Variants in PTPRD observed in about 807,000 individuals in gnomAD.
PTPRD encodes the protein receptor-type tyrosine-protein phosphatase delta.
A neutral mutation model predicts 214.5 loss-of-function variants in PTPRD; 34 were observed. The ratio of observed to expected loss-of-function variants is 0.16; its 90% CI spans 0.12 to 0.21. PTPRD has a LOEUF of 0.21. Ranked by LOEUF, PTPRD falls within the 10% of genes least tolerant of loss-of-function variation. The probability of loss-of-function intolerance (pLI) is 1.00; values close to 1 mark genes in which losing one functional copy is unlikely to be tolerated. For missense variants in PTPRD, 2,545 were observed against 2,398.7 expected, an observed-to-expected ratio of 1.06 and a Z score of -1.27; for synonymous variants, 1,128 against 845.7, an observed-to-expected ratio of 1.33 and a Z score of -5.79.
chr9:9,271,905 G>T (rs944404067), intron 9 of PTPRD, among the ~76,000 whole-genome samples: 1 of 151,202 alleles, frequency 6.6e-6, no homozygotes, highest in Admixed American at 6.6e-5. Context: ...GTTCCTTAAA[G>T]GTTTCTGCAT....
chr9:9,621,005 C>G (rs981790462), intron 7 of PTPRD, among the ~76,000 whole-genome samples: 3 of 152,132 alleles, frequency 2.0e-5, no homozygotes, highest in African/African-American at 7.2e-5. Context: ...TGATGTAAGA[C>G]CCAATTCCCC....
chr9:10,178,441 A>T (rs1428835544), intron 3 of PTPRD, among the ~76,000 whole-genome samples: 1 of 151,984 alleles, frequency 6.6e-6, no homozygotes, highest in African/African-American at 2.4e-5. Context: ...AGAGGAGCCA[A>T]ATTAGAGGAG....
At chr9:8,439,162 A>G (rs1334926596) in intron 34 of PTPRD, among the ~76,000 whole-genome samples, 1 of 152,202 alleles carries the variant, frequency 6.6e-6, no homozygotes, top group Non-Finnish European at 1.5e-5. Flanking sequence ...AGGGAGGAGA[A>G]TCTGTGTGAA....
intron 7 of PTPRD, among the ~76,000 whole-genome samples, chr9:9,695,526 G>C (rs1477505036): frequency 6.6e-6 from 1 of 152,168 alleles, no homozygotes; most frequent in African/African-American, 2.4e-5. Context: ...AGGAATTGCA[G>C]TCCTTGTGTC....
chr9:8,808,997 T>C (rs2096745916), intron 11 of PTPRD, among the ~76,000 whole-genome samples: 3 of 152,064 alleles, frequency 2.0e-5, no homozygotes, highest in African/African-American at 4.8e-5. Flanking sequence ...CCACTATTCA[T>C]AGAACAAAAG....
intron 5 of PTPRD, among the ~76,000 whole-genome samples, chr9:9,931,836 C>T (rs1333885718): frequency 2.3e-4 from 35 of 151,108 alleles, no homozygotes; most frequent in African/African-American, 6.8e-4. Context: ...TGTCTGACAG[C>T]TTTGAAGAGA....
chr9:9,901,526 G>T (rs912364507), intron 5 of PTPRD, among the ~76,000 whole-genome samples: 2 of 151,922 alleles, frequency 1.3e-5, no homozygotes, highest in Admixed American at 1.3e-4. Context: ...ATTAACAGTT[G>T]CTGGGGAAAT....
chr9:10,602,842 G>T (rs1361717821), intron 2 of PTPRD, among the ~76,000 whole-genome samples: 6 of 151,576 alleles, frequency 4.0e-5, no homozygotes, highest in Non-Finnish European at 5.9e-5. Flanking sequence ...TTATTATGTG[G>T]GGCATGCATT....
chr9:8,675,649 C>T (rs2154367817), intron 12 of PTPRD, among the ~76,000 whole-genome samples: 1 of 150,850 alleles, frequency 6.6e-6, no homozygotes, highest in East Asian at 2.0e-4. Flanking sequence ...GTGCCTCCTT[C>T]AACATCATCA....
chr9:9,411,327 G>T (rs1350475867), intron 8 of PTPRD, among the ~76,000 whole-genome samples: 2 of 141,810 alleles, frequency 1.4e-5, no homozygotes, highest in African/African-American at 2.6e-5. Context: ...ATAAAATTGT[G>T]CCTTCTAAGA....
Position 8,463,892 on chromosome 9 carries a change from T to C in PTPRD, c.3714+1574A>G, listed in dbSNP as rs373397635. On this transcript the variant is annotated intron_variant, in intron 32 of 45. Transcript: ENST00000381196. ...AGGCTTTATTACTGCAAAATGACTC[T>C]AGCTGGATACAAGTCTCTCCTAGGC... is the stretch of plus-strand genomic sequence containing the variant. Among the ~76,000 whole-genome samples, 5 of 151,916 alleles carry C rather than the reference T, an allele frequency of 3.3e-5. No individual in the cohort carries two copies. The East Asian group carries it at 7.7e-4, about 24-fold the overall frequency.
intron 8 of PTPRD, among the ~76,000 whole-genome samples, chr9:9,412,309 C>T (rs1240041427): frequency 6.6e-6 from 1 of 151,824 alleles, no homozygotes; most frequent in Non-Finnish European, 1.5e-5. Context: ...AATATGATAC[C>T]ACACTGCATC....
chr9:9,631,517 C>G (rs2095594348), intron 7 of PTPRD, among the ~76,000 whole-genome samples: 1 of 152,054 alleles, frequency 6.6e-6, no homozygotes. Flanking sequence ...AAGTATAGGG[C>G]CTTTTTTTCT....
At chr9:10,484,213 A>T (rs2099117985) in intron 2 of PTPRD, among the ~76,000 whole-genome samples, 1 of 152,082 alleles carries the variant, frequency 6.6e-6, no homozygotes. Flanking sequence ...CAAATACTAC[A>T]TGTTCTCACT....
Position 10,249,402 on chromosome 9 carries a change from A to G in PTPRD, c.-545+91561T>C, listed in dbSNP as rs190753190. Reference sequence around the variant, plus strand: ...TCTTGTTTCAAGATCTATAGGAACCACGAGAAAGAGTTTAAATTTTGACCC... The same window carrying G: ...TCTTGTTTCAAGATCTATAGGAACCGCGAGAAAGAGTTTAAATTTTGACCC... On this transcript the variant is annotated intron_variant, in intron 3 of 45. Coordinates refer to ENST00000381196, the MANE Select transcript of PTPRD (RefSeq NM_002839.4). Among the ~76,000 whole-genome samples the G allele has an allele frequency of 3.6e-3, 545 of 152,216 alleles. 2 individuals carry two copies. The highest frequency in any genetic ancestry group is 5.9e-3 in the Non-Finnish European group (404 of 68,008).
At chr9:8,326,550 C>T (rs1015870155) in intron 44 of PTPRD, among the ~76,000 whole-genome samples, 1 of 151,376 alleles carries the variant, frequency 6.6e-6, no homozygotes, top group Non-Finnish European at 1.5e-5. Flanking sequence ...TGTGTCTCTG[C>T]CAGGTTTTGG....
intron 11 of PTPRD, among the ~76,000 whole-genome samples, chr9:9,018,394 T>G (rs528907135): frequency 6.6e-6 from 1 of 152,194 alleles, no homozygotes; most frequent in East Asian, 1.9e-4. Context: ...AGTCTATAGA[T>G]GTGTATTTGC....
intron 4 of PTPRD, among the ~76,000 whole-genome samples, chr9:9,990,319 C>G (rs1452406133): frequency 2.0e-5 from 3 of 152,218 alleles, no homozygotes; most frequent in African/African-American, 4.8e-5. Flanking sequence ...CTGCAAACTA[C>G]TGAAATGTAA....
At chr9:9,223,888 T>C (rs2099957750) in intron 9 of PTPRD, among the ~76,000 whole-genome samples, 1 of 152,034 alleles carries the variant, frequency 6.6e-6, no homozygotes, top group Non-Finnish European at 1.5e-5. Context: ...CAGTCCTTTT[T>C]CCTATACACC....
Sources: allele counts gnomAD v4.1 joint callset (sites outside exome capture counted in the v4.1 genomes callset), GRCh38; gene constraint gnomAD v4.1.1; transcripts MANE v1.5; gene names NCBI Gene and HGNC (gene_info 2026-07-23, HGNC 2026-07-21).